The following MATN2 variants were observed in gnomAD, a reference collection of about 807,000 sequenced individuals.
MATN2 encodes the protein matrilin-2.
MATN2 carries 69 observed loss-of-function variants against 103.2 expected under a neutral mutation model. The observed-to-expected ratio is 0.67, with a 90% CI of 0.55 to 0.82. MATN2 has a LOEUF of 0.82. Ranked by LOEUF, MATN2 falls within the 40% of genes least tolerant of loss-of-function variation. The pLI is 0.00. For synonymous variants in MATN2, 429 were observed against 450.2 expected, an observed-to-expected ratio of 0.95 and a Z score of 0.60; for missense variants, 1,023 against 1,211.5, an observed-to-expected ratio of 0.84 and a Z score of 2.31.
In MATN2 at chr8:98,017,993, G is replaced by T; in HGVS notation, c.1697-1G>T. On this transcript the variant is annotated splice_acceptor_variant, in intron 11 of 18. Coordinates refer to ENST00000254898, the MANE Select transcript of MATN2 (RefSeq NM_002380.5). LOFTEE classifies it high-confidence loss of function. Reference sequence around the variant, plus strand: ...GTTGTAACTTGCTCTCCTGTCTTCAGGGAAAGATGTCTGCCAAGCTATAGA... The same window carrying T: ...GTTGTAACTTGCTCTCCTGTCTTCATGGAAAGATGTCTGCCAAGCTATAGA... 6.2e-7 allele frequency: 1 copy of T among 1,613,254 alleles called. No homozygotes were observed. The highest frequency in any genetic ancestry group is 8.5e-7 in the Non-Finnish European group (1 of 1,179,496).
chr8:97,888,382 G>A, intron 2 of MATN2, 140 bp downstream of exon 2: 1 of 956,168 alleles, frequency 1.0e-6, no homozygotes, highest in Non-Finnish European at 1.4e-6. Flanking sequence ...GGTCCTCACT[G>A]GTGGTGAATG....
intron 7 of MATN2, among the ~76,000 whole-genome samples, chr8:98,001,905 C>A (rs190408986): frequency 6.6e-6 from 1 of 152,278 alleles, no homozygotes; most frequent in Non-Finnish European, 1.5e-5. Flanking sequence ...ACATGGTTGC[C>A]ACGCTGGCTT....
At chr8:98,006,907 G>C (rs1457910975) in intron 8 of MATN2, among the ~76,000 whole-genome samples, 198 bp from the exon 9 acceptor site, 2 of 152,052 alleles carry the variant, frequency 1.3e-5, no homozygotes, top group Non-Finnish European at 2.9e-5. Context: ...CCGAGATCTC[G>C]CCACTGCACT....
At chr8:97,989,882 TA>T (rs71271179) in intron 6 of MATN2, among the ~76,000 whole-genome samples, 53,219 of 151,884 alleles carry the variant, frequency 0.35, 10,678 homozygotes, top group African/African-American at 0.56. Flanking sequence ...ATATGAAATT[TA>T]AAAAAATACC....
chr8:98,003,614 G>A (rs1812857884), intron 7 of MATN2, 47 bp from the exon 8 acceptor site: 3 of 1,611,086 alleles, frequency 1.9e-6, no homozygotes, highest in East Asian at 4.5e-5. Context: ...CATCAGCCCT[G>A]GGAGAGGTCC....
rs1810173535 is a variant in MATN2, at chr8:97,931,137, C to G, written c.327C>G (p.Phe109Leu). 5.0e-6 allele frequency: 8 copies of G among 1,613,892 alleles called. No individual in the cohort carries two copies. Among genetic ancestry groups the G allele is most frequent in the Non-Finnish European group, 5.9e-6 (7 of 1,179,884 alleles). The change falls in exon 3 of 19, where the codon TTC becomes TTG. Residue 109 changes from phenylalanine to leucine, a missense_variant. Physicochemically the swap from Phe to Leu is conservative, Grantham distance 22. Coordinates refer to ENST00000254898, the MANE Select transcript of MATN2 (RefSeq NM_002380.5). The surrounding 1 kb of genome is among the most constrained non-coding windows in gnomAD (Gnocchi z 4.1). ...ATGGCAGCACTGTCAAGAATGAGTT[C>G]TCCCTCAAGACCTTCAAGAGGAAGT... Reference protein sequence around the residue: ...LQYGSTVKNEFSLKTFKRKSE... With the variant: ...LQYGSTVKNELSLKTFKRKSE...
chr8:97,920,893 G>T (rs1389887600), intron 2 of MATN2, among the ~76,000 whole-genome samples: 1 of 152,232 alleles, frequency 6.6e-6, no homozygotes, highest in African/African-American at 2.4e-5. Context: ...TTGATTCTGA[G>T]ACCAGGACTG....
At position 97,968,658 on chromosome 8, in the gene MATN2, C is replaced by A. The variant is rs376634338; in HGVS notation, c.958+7128C>A. Among the ~76,000 whole-genome samples, 131 of 152,290 alleles carry A rather than the reference C, an allele frequency of 8.6e-4. 1 individual carries two copies. The highest frequency in any genetic ancestry group is 3.4e-3 in the Middle Eastern group (1 of 294). On this transcript the variant is annotated intron_variant, in intron 5 of 18. Transcript: ENST00000254898. ...AATTGGTGACCTTTACTCCAGTTCC[C>A]AATAAATTCTTCATTTCTATCTGAG...
intron 1 of MATN2, among the ~76,000 whole-genome samples, chr8:97,876,734 T>C (rs971251208): frequency 6.6e-6 from 1 of 152,186 alleles, no homozygotes; most frequent in African/African-American, 2.4e-5. Context: ...GATCAATAAA[T>C]AGAACATTGC....
In MATN2 at chr8:97,982,970, G is replaced by C. The variant is rs1190296739; in HGVS notation, c.1081+3962G>C. ...GGGGTCACCTGATTTCCACCCAGCTGTAACTATCCTCACCATCCATCTCCA... is the reference window on the plus strand; with the variant it reads ...GGGGTCACCTGATTTCCACCCAGCTCTAACTATCCTCACCATCCATCTCCA... On this transcript the variant is annotated intron_variant, in intron 6 of 18. Coordinates refer to ENST00000254898, the MANE Select transcript of MATN2 (RefSeq NM_002380.5). The surrounding 1 kb of genome is among the most constrained non-coding windows in gnomAD (Gnocchi z 4.3). 1.3e-5 allele frequency among the ~76,000 whole-genome samples: 2 copies of C among 152,138 alleles called. No individual in the cohort carries two copies. The highest frequency in any genetic ancestry group is 2.9e-5 in the Non-Finnish European group (2 of 68,028).
chr8:98,025,937 G>C (rs1813781805), intron 13 of MATN2, among the ~76,000 whole-genome samples: 1 of 151,874 alleles, frequency 6.6e-6, no homozygotes, highest in Admixed American at 6.6e-5. Context: ...CAGCACTTTG[G>C]AAGGCCAAGG....
rs752427382 is a variant in MATN2 at position 98,007,407 on chromosome 8, C to T, written c.1451-72C>T. On this transcript the variant is annotated intron_variant, in intron 9 of 18. Transcript: ENST00000254898. This position sits in a 1 kb window ranked among gnomAD's most constrained non-coding sequence, Gnocchi z 4.2. Reference sequence around the variant, plus strand: ...TCGAGGGAGGGCGGGGTGAGCATGACGGTCACTTGATCCAATCACTGTCGC... The same window carrying T: ...TCGAGGGAGGGCGGGGTGAGCATGATGGTCACTTGATCCAATCACTGTCGC... The T allele has an allele frequency of 1.5e-5, 23 of 1,577,362 alleles. No homozygotes were observed. The African/African-American group carries it at 2.3e-4, about 16-fold the overall frequency.
rs150344150 is a variant in MATN2 at position 97,948,371 on chromosome 8, T to A, written c.835+6472T>A. ...GATTCACAAATATGGAATCTGTGAATCATGCACATTAAACAAAGCTTTGAA... is the reference window on the plus strand; with the variant it reads ...GATTCACAAATATGGAATCTGTGAAACATGCACATTAAACAAAGCTTTGAA... On this transcript the variant is annotated intron_variant, in intron 4 of 18. Transcript: ENST00000254898. Among the ~76,000 whole-genome samples the A allele has an allele frequency of 1.6e-3, 247 of 152,314 alleles. 2 individuals are homozygous for A. Among genetic ancestry groups the A allele is most frequent in the African/African-American group, 5.6e-3 (232 of 41,550 alleles).
At chr8:97,974,023 G>T (rs1457427375) in intron 5 of MATN2, among the ~76,000 whole-genome samples, 3 of 152,052 alleles carry the variant, frequency 2.0e-5, no homozygotes, top group Non-Finnish European at 1.5e-5. Flanking sequence ...ATCCATGCCT[G>T]GTTCTATAGC....
At chr8:97,882,158 AGGTGAT>A (rs1818279121) in intron 1 of MATN2, among the ~76,000 whole-genome samples, 3 of 151,446 alleles carry the variant, frequency 2.0e-5, no homozygotes, top group African/African-American at 7.3e-5. Context: ...TTCTGACCTC[AGGTGAT>A]CTGCCCGCCT....
intron 2 of MATN2, among the ~76,000 whole-genome samples, chr8:97,921,854 G>A (rs1031348171): frequency 6.6e-6 from 1 of 152,150 alleles, no homozygotes; most frequent in East Asian, 1.9e-4. Context: ...GCGTACAGCC[G>A]GGGTTCCCAA....
At chr8:97,944,391 A>C (rs1171470600) in intron 4 of MATN2, among the ~76,000 whole-genome samples, 1 of 152,190 alleles carries the variant, frequency 6.6e-6, no homozygotes, top group Admixed American at 6.5e-5. Context: ...CTTCAGCCAG[A>C]CTTAGCTTAA....
At chr8:97,901,095 G>A (rs1439791632) in intron 2 of MATN2, among the ~76,000 whole-genome samples, 1 of 152,110 alleles carries the variant, frequency 6.6e-6, no homozygotes, top group African/African-American at 2.4e-5. Context: ...CCCAGATGTG[G>A]CCTGTCCCAT....
At chr8:97,986,999 ATTT>A (rs531958193) in intron 6 of MATN2, among the ~76,000 whole-genome samples, 1 of 143,264 alleles carries the variant, frequency 7.0e-6, no homozygotes, top group African/African-American at 2.6e-5. Context: ...CGCCCAGCTA[ATTT>A]TTTTTTTTTT....
Sources: gnomAD v4.1 joint callset for allele counts (sites outside exome capture counted in the v4.1 genomes callset) on GRCh38, gnomAD v4.1.1 for gene constraint, Gnocchi (gnomAD v3.1) non-coding constraint, MANE v1.5 for transcripts, NCBI Gene and HGNC (gene_info 2026-07-23, HGNC 2026-07-21) for gene names.